SS18: variants seen among roughly 807,000 people sequenced by gnomAD.
SS18 encodes the protein SS18 subunit of BAF chromatin remodeling complex, also known as protein SSXT.
SS18 carries 28 observed loss-of-function variants against 72.5 expected under a neutral mutation model. That is an observed-to-expected ratio of 0.39 (90% CI 0.29 to 0.53). The LOEUF (loss-of-function observed/expected upper bound fraction) is 0.53, where lower values mean the gene tolerates loss of function less well. Among genes scored for constraint, SS18 ranks in the 20% least tolerant of loss-of-function variants. SS18 has a pLI of 0.76. For synonymous variants in SS18, 172 were observed against 164.2 expected (o/e 1.05, Z -0.37); for missense variants, 518 against 535.3 (o/e 0.97, Z 0.32).
At chr18:26,028,722 T>C (rs1444736909) in intron 10 of SS18, among the ~76,000 whole-genome samples, 2 of 152,222 alleles carry the variant, frequency 1.3e-5, no homozygotes, top group African/African-American at 4.8e-5. Flanking sequence ...ATCCACAGTT[T>C]AGTTAAAAGA....
chr18:26,031,607 G>A (rs1000101965), intron 10 of SS18, among the ~76,000 whole-genome samples: 3 of 152,030 alleles, frequency 2.0e-5, no homozygotes, highest in South Asian at 2.1e-4. Flanking sequence ...TTCATAAAAC[G>A]ATGACTGTGG....
At chr18:26,019,035 G>A (rs2053298105) in intron 10 of SS18, among the ~76,000 whole-genome samples, 1 of 152,096 alleles carries the variant, frequency 6.6e-6, no homozygotes, top group Admixed American at 6.6e-5. Context: ...GACAGGATGA[G>A]ACAGAAAGGG....
intron 1 of SS18, among the ~76,000 whole-genome samples, chr18:26,088,541 C>T (rs2054656539): frequency 6.6e-6 from 1 of 152,182 alleles, no homozygotes. Flanking sequence ...ATTTATCATT[C>T]TATCATCTTT....
intron 9 of SS18, among the ~76,000 whole-genome samples, chr18:26,034,382 C>T (rs925563466): frequency 6.6e-6 from 1 of 152,018 alleles, no homozygotes; most frequent in Admixed American, 6.6e-5. Context: ...CTCGTCATTC[C>T]CCACTCCCTA....
At chr18:26,062,828 A>G (rs916628105) in intron 3 of SS18, among the ~76,000 whole-genome samples, 1 of 152,234 alleles carries the variant, frequency 6.6e-6, no homozygotes, top group African/African-American at 2.4e-5. Flanking sequence ...ATGTTTAACA[A>G]TCATAAATGT....
intron 3 of SS18, among the ~76,000 whole-genome samples, chr18:26,069,755 C>G (rs2054281820): frequency 1.3e-5 from 2 of 152,256 alleles, no homozygotes; most frequent in South Asian, 4.1e-4. Flanking sequence ...ATTTTCTCCC[C>G]AAGTTTTTCT....
chr18:26,079,181 A>T (rs2054473048), intron 2 of SS18: 1 of 152,266 alleles, frequency 6.6e-6, no homozygotes, highest in Non-Finnish European at 1.5e-5. Context: ...TTATAACACC[A>T]ACAACACTCA....
intron 5 of SS18, among the ~76,000 whole-genome samples, chr18:26,041,352 A>G (rs2053719747): frequency 6.6e-6 from 1 of 152,278 alleles, no homozygotes; most frequent in South Asian, 2.1e-4. Flanking sequence ...TGAACCCGGG[A>G]GGCAGAGGTT....
intron 10 of SS18, among the ~76,000 whole-genome samples, chr18:26,030,002 T>A (rs2035386600): frequency 1.3e-5 from 2 of 152,190 alleles, no homozygotes; most frequent in South Asian, 4.1e-4. Context: ...CCACACAGTA[T>A]AGTCCCAAAT....
intron 3 of SS18, among the ~76,000 whole-genome samples, chr18:26,063,494 G>A (rs923296142): frequency 2.0e-5 from 3 of 152,100 alleles, no homozygotes; most frequent in African/African-American, 7.2e-5. Context: ...TTCAGCCTGG[G>A]CGACAGAGCG....
intron 5 of SS18, among the ~76,000 whole-genome samples, chr18:26,043,149 A>T (rs2053759188): frequency 6.6e-6 from 1 of 152,144 alleles, no homozygotes; most frequent in South Asian, 2.1e-4. Context: ...TAAGGCTCAC[A>T]AACATCAAGG....
chr18:26,021,075 A>ATACT (rs1229690027), intron 10 of SS18, among the ~76,000 whole-genome samples: 1 of 152,226 alleles, frequency 6.6e-6, no homozygotes, highest in Non-Finnish European at 1.5e-5. Flanking sequence ...AACTTGGCCC[A>ATACT]TACTTGATCA....
At chr18:26,072,393 C>T (rs564339217) in intron 3 of SS18, among the ~76,000 whole-genome samples, 27 of 133,072 alleles carry the variant, frequency 2.0e-4, no homozygotes, top group East Asian at 1.9e-3. Context: ...CTCATAATAT[C>T]GTTATCTCTA....
rs185658023 is a variant in SS18 at position 26,071,467 on chromosome 18, G to A, written c.231+6609C>T. Among the ~76,000 whole-genome samples the A allele has an allele frequency of 5.3e-4, 80 of 152,230 alleles. 1 individual carries two copies. Among genetic ancestry groups the A allele is most frequent in the East Asian group, 5.8e-4 (3 of 5,190 alleles). Reference sequence around the variant, plus strand: ...CAATAGATACAAGACAGAAAACAACGCAAGGATAAATGTAATGTGCTAAGT... The same window carrying A: ...CAATAGATACAAGACAGAAAACAACACAAGGATAAATGTAATGTGCTAAGT... On this transcript the variant is annotated intron_variant, in intron 3 of 10. Coordinates refer to ENST00000415083, the MANE Select transcript of SS18 (RefSeq NM_001007559.3).
In SS18 at chr18:26,019,586, G is replaced by A. The variant is rs1010617707; in HGVS notation, c.1231-1206C>T. On this transcript the variant is annotated intron_variant, in intron 10 of 10. Transcript: ENST00000415083. ...AGCACTTTGGGAGGCCAAGGCGGGT[G>A]ATTCACTTGAGGTCAGGAGTTCGAG... is the stretch of plus-strand genomic sequence containing the variant. Among the ~76,000 whole-genome samples, 24 of 152,158 alleles carry A rather than the reference G, an allele frequency of 1.6e-4. No individual in the cohort carries two copies. The East Asian group carries it at 2.1e-3, about 13-fold the overall frequency.
rs371114958 is a variant in SS18 at position 26,035,080 on chromosome 18, G to C, written c.1021C>G (p.Pro341Ala). Residue 341 changes from proline to alanine, a missense_variant, in exon 9 of 11, where the codon CCA (proline) becomes GCA (alanine). Pro to Ala is a conservative substitution (Grantham distance 27). Transcript: ENST00000415083. This position sits in a 1 kb window ranked among gnomAD's most constrained non-coding sequence, Gnocchi z 4.4. ...TGCTGGGGTGGATATCCCTGTTGTG[G>C]AGGTGGTCCCTGGTATGCATCTTGC... is the stretch of plus-strand genomic sequence containing the variant. Reference protein sequence around the residue: ...QQQDAYQGPPPQQGYPPQQQQ... With the variant: ...QQQDAYQGPPAQQGYPPQQQQ... 1 of 1,613,500 alleles carries C rather than the reference G, an allele frequency of 6.2e-7. No individual in the cohort carries two copies. The highest frequency in any genetic ancestry group is 8.5e-7 in the Non-Finnish European group (1 of 1,179,670).
chr18:26,031,934 A>G (rs1486051203), intron 10 of SS18, among the ~76,000 whole-genome samples: 1 of 152,178 alleles, frequency 6.6e-6, no homozygotes, highest in East Asian at 1.9e-4. Context: ...CTCAGCAATA[A>G]ACATCAGGGA....
intron 1 of SS18, chr18:26,090,189 G>A (rs981158981): frequency 2.4e-6 from 1 of 413,280 alleles, no homozygotes; most frequent in Non-Finnish European, 4.3e-6. Flanking sequence ...TTCCCTGAGC[G>A]GCCGCCGCCG....
intron 3 of SS18, among the ~76,000 whole-genome samples, chr18:26,073,050 T>A (rs1025633106): frequency 5.3e-5 from 8 of 152,052 alleles, no homozygotes; most frequent in African/African-American, 1.2e-4. Flanking sequence ...ATATTTTTTT[T>A]AAATACACAT....
Sources: gnomAD v4.1 joint callset for allele counts (sites outside exome capture counted in the v4.1 genomes callset) on GRCh38, gnomAD v4.1.1 for gene constraint, Gnocchi (gnomAD v3.1) non-coding constraint, MANE v1.5 for transcripts, NCBI Gene and HGNC (gene_info 2026-07-23, HGNC 2026-07-21) for gene names.